The following KAZN variants were observed in gnomAD, a reference collection of about 807,000 sequenced individuals.
The protein encoded by KAZN is kazrin, periplakin interacting protein.
KAZN carries 40 observed loss-of-function variants against 87.4 expected under a neutral mutation model. The ratio of observed to expected loss-of-function variants is 0.46; its 90% CI spans 0.36 to 0.60. KAZN has a LOEUF of 0.60. Among genes scored for constraint, KAZN ranks in the 20% least tolerant of loss-of-function variants. The pLI is 0.00. For synonymous variants in KAZN, 466 were observed against 458.3 expected (o/e 1.02, Z -0.22); for missense variants, 898 against 1,073.9 (o/e 0.84, Z 2.29).
intron 2 of KAZN, among the ~76,000 whole-genome samples, chr1:14,472,429 T>A (rs1668505043): frequency 6.6e-6 from 1 of 152,108 alleles, no homozygotes; most frequent in Non-Finnish European, 1.5e-5. Context: ...GGCTCTACCA[T>A]CTTATGACAA....
chr1:14,781,257 G>C (rs1311273915), intron 1 of KAZN, among the ~76,000 whole-genome samples: 1 of 152,226 alleles, frequency 6.6e-6, no homozygotes, highest in African/African-American at 2.4e-5. Flanking sequence ...AGGAGGCGGA[G>C]CTTGCAGTGA....
chr1:14,572,607 G>A (rs1318670678), intron 2 of KAZN, among the ~76,000 whole-genome samples: 1 of 152,164 alleles, frequency 6.6e-6, no homozygotes, highest in Non-Finnish European at 1.5e-5. Context: ...CGCTTGGCCT[G>A]GCTTCTTGTG....
chr1:14,839,598 G>A (rs193112715), intron 1 of KAZN, among the ~76,000 whole-genome samples: 13 of 152,188 alleles, frequency 8.5e-5, no homozygotes, highest in Admixed American at 2.6e-4. Context: ...TATTCTGACG[G>A]CATTTGGTGC....
intron 2 of KAZN, among the ~76,000 whole-genome samples, chr1:14,209,692 A>C (rs1187285241): frequency 6.6e-6 from 1 of 152,208 alleles, no homozygotes; most frequent in East Asian, 1.9e-4. Flanking sequence ...AGGCAGGTGA[A>C]TATCAGGATA....
chr1:13,997,764 G>A (rs377558814), intron 1 of KAZN, among the ~76,000 whole-genome samples: 12 of 152,168 alleles, frequency 7.9e-5, no homozygotes, highest in East Asian at 7.7e-4. Flanking sequence ...TGAAGGAGAC[G>A]GAGAGAATAG....
chr1:14,536,252 T>A (rs1293385840), intron 2 of KAZN, among the ~76,000 whole-genome samples: 1 of 152,236 alleles, frequency 6.6e-6, no homozygotes, highest in East Asian at 1.9e-4. Context: ...CCAAATGTCC[T>A]CTGACTCTCA....
At chr1:15,016,965 G>A (rs1280409513) in intron 2 of KAZN, among the ~76,000 whole-genome samples, 1 of 151,930 alleles carries the variant, frequency 6.6e-6, no homozygotes, top group Non-Finnish European at 1.5e-5. Flanking sequence ...GTGCTTGTTT[G>A]TCTTCCTTGC....
At chr1:13,985,888 C>T (rs1183639773) in intron 1 of KAZN, among the ~76,000 whole-genome samples, 1 of 152,132 alleles carries the variant, frequency 6.6e-6, no homozygotes, top group Non-Finnish European at 1.5e-5. Flanking sequence ...GATAATATTC[C>T]ATTATACAGT....
intron 1 of KAZN, among the ~76,000 whole-genome samples, chr1:14,673,204 A>G (rs1640017943): frequency 6.6e-6 from 1 of 152,228 alleles, no homozygotes; most frequent in Non-Finnish European, 1.5e-5. Flanking sequence ...CCTGTGTCCC[A>G]TCACAGGCTC....
chr1:14,428,775 C>T (rs143970566), intron 2 of KAZN, among the ~76,000 whole-genome samples: 38 of 152,070 alleles, frequency 2.5e-4, no homozygotes, highest in African/African-American at 8.7e-4. Context: ...CTCACTATCA[C>T]GAGAACAGTA....
In KAZN at chr1:14,385,142, T is replaced by C. The variant is rs367899006; in HGVS notation, c.249+204550T>C. 1.8e-3 allele frequency among the ~76,000 whole-genome samples: 274 copies of C among 152,304 alleles called. No individual in the cohort carries two copies. In the South Asian group the frequency reaches 0.02, roughly 11 times the overall value. On this transcript the variant is annotated intron_variant, in intron 2 of 16. Coordinates refer to the KAZN transcript ENST00000636203. ...GTATTCTCTGATGGTAGTTTGTATT[T>C]CTGTGGGATCAGTGGTGATAACCCC...
intron 1 of KAZN, among the ~76,000 whole-genome samples, chr1:14,814,775 C>T (rs982218123): frequency 6.6e-6 from 1 of 152,184 alleles, no homozygotes; most frequent in Non-Finnish European, 1.5e-5. Context: ...GCATTAGGGG[C>T]ATTTGTGACC....
At chr1:14,281,872 C>G (rs1310829574) in intron 2 of KAZN, among the ~76,000 whole-genome samples, 1 of 152,164 alleles carries the variant, frequency 6.6e-6, no homozygotes, top group African/African-American at 2.4e-5. Flanking sequence ...GGGTGACTTA[C>G]TGTTCTAATT....
chr1:14,132,817 T>C (rs551599078), intron 1 of KAZN, among the ~76,000 whole-genome samples: 70 of 152,266 alleles, frequency 4.6e-4, no homozygotes, highest in African/African-American at 1.6e-3. Flanking sequence ...TAATCCAGTA[T>C]GGGTTAGAGA....
chr1:14,980,474 G>C (rs561096301), intron 2 of KAZN, among the ~76,000 whole-genome samples: 2 of 152,170 alleles, frequency 1.3e-5, no homozygotes, highest in Non-Finnish European at 2.9e-5. Context: ...TTCGTGCTAC[G>C]CGCAGGTGAC....
intron 1 of KAZN, among the ~76,000 whole-genome samples, chr1:14,070,151 G>A (rs1295829963): frequency 4.5e-5 from 3 of 66,372 alleles, no homozygotes; most frequent in African/African-American, 1.9e-4. Flanking sequence ...CTTGGCGACA[G>A]TGCGAGACTC....
chr1:14,785,338 A>G (rs891614391), intron 1 of KAZN, among the ~76,000 whole-genome samples: 7 of 152,088 alleles, frequency 4.6e-5, no homozygotes, highest in African/African-American at 1.7e-4. Context: ...GGCTTTTGAG[A>G]GAAATAATCT....
chr1:14,187,446 C>T lies in KAZN; in HGVS notation c.249+6854C>T, dbSNP rs117355363. ...AGAATAGGAAATATATTACAGCCCCCTACCTCACATATCTCATTTTCTTCA... is the reference window on the plus strand; with the variant it reads ...AGAATAGGAAATATATTACAGCCCCTTACCTCACATATCTCATTTTCTTCA... On this transcript the variant is annotated intron_variant, in intron 2 of 16. Transcript: ENST00000636203. 2.0e-3 allele frequency among the ~76,000 whole-genome samples: 298 copies of T among 152,260 alleles called. 4 individuals are homozygous for T. In the East Asian group the frequency reaches 0.044, roughly 23 times the overall value.
upstream of KAZN, among the ~76,000 whole-genome samples, chr1:14,596,888 T>C (rs1218776133): frequency 1.3e-5 from 2 of 152,262 alleles, no homozygotes; most frequent in Non-Finnish European, 2.9e-5. Context: ...TAATGAACAG[T>C]GCTGCTATGA....
Sources: allele counts gnomAD v4.1 joint callset (sites outside exome capture counted in the v4.1 genomes callset), GRCh38; gene constraint gnomAD v4.1.1; transcripts MANE v1.5; gene names NCBI Gene and HGNC (gene_info 2026-07-23, HGNC 2026-07-21).